RASA2: variants seen among roughly 807,000 people sequenced by gnomAD.
RASA2 encodes RAS p21 protein activator 2.
In RASA2, 155 loss-of-function variants were observed where a neutral mutation model predicts 118.2. The observed-to-expected ratio is 1.31, with a 90% CI of 1.15 to 1.50. The LOEUF (loss-of-function observed/expected upper bound fraction) is 1.50. RASA2 is among the 40% of genes most tolerant of loss of function. RASA2 has a pLI of 0.00. For missense variants in RASA2, 1,016 were observed against 1,009.6 expected, an observed-to-expected ratio of 1.01 and a Z score of -0.09; for synonymous variants, 353 against 349.1, an observed-to-expected ratio of 1.01 and a Z score of -0.12.
chr3:141,495,554 G>A, intron 1 of RASA2, among the ~76,000 whole-genome samples: 1 of 152,170 alleles, frequency 6.6e-6, no homozygotes, highest in East Asian at 1.9e-4. Flanking sequence ...TACAAAAAAA[G>A]GAAAGTTTAT....
Position 141,490,583 on chromosome 3 carries a change from G to T in RASA2, c.133+3367G>T, listed in dbSNP as rs1008044187. Among the ~76,000 whole-genome samples the T allele has an allele frequency of 5.3e-5, 8 of 152,134 alleles. No individual in the cohort carries two copies. The East Asian group carries it at 7.7e-4, about 15-fold the overall frequency. ...TAAGAGAGCCAAATGGGAAAATTTT[G>T]TGTGAATTTTCAGATGTGTGGTACA... On this transcript the variant is annotated intron_variant, in intron 1 of 23. Transcript: ENST00000286364.
intron 4 of RASA2, among the ~76,000 whole-genome samples, chr3:141,531,426 G>GTA (rs900512744): frequency 1.2e-4 from 18 of 150,836 alleles, no homozygotes; most frequent in East Asian, 1.9e-4. Context: ...ATATGTGTGT[G>GTA]TATATATATA....
At chr3:141,608,156 T>C (rs1489724081) in intron 20 of RASA2, among the ~76,000 whole-genome samples, 2 of 152,212 alleles carry the variant, frequency 1.3e-5, no homozygotes, top group African/African-American at 4.8e-5. Flanking sequence ...CCAACCAGGA[T>C]GATTTCCTTG....
At chr3:141,551,878 ATCAAAT>A (rs1181654201) in intron 5 of RASA2, among the ~76,000 whole-genome samples, 1 of 152,204 alleles carries the variant, frequency 6.6e-6, no homozygotes, top group Admixed American at 6.5e-5. Context: ...TAAATAAAAT[ATCAAAT>A]TCCTTATTGA....
intron 1 of RASA2, among the ~76,000 whole-genome samples, chr3:141,505,959 A>C (rs1056946421): frequency 6.6e-6 from 1 of 152,204 alleles, no homozygotes; most frequent in African/African-American, 2.4e-5. Context: ...AAAATCATGG[A>C]TGTATAGTGG....
At chr3:141,508,244 A>G (rs2081898567) in intron 1 of RASA2, among the ~76,000 whole-genome samples, 1 of 152,302 alleles carries the variant, frequency 6.6e-6, no homozygotes. Flanking sequence ...AAGAGGGAGT[A>G]TAAGAAAAAC....
intron 1 of RASA2, among the ~76,000 whole-genome samples, chr3:141,498,705 T>A (rs1311865413): frequency 6.6e-6 from 1 of 152,176 alleles, no homozygotes; most frequent in Non-Finnish European, 1.5e-5. Context: ...CCCTGGATGC[T>A]GTCACCAGAA....
intron 3 of RASA2, 43 bp downstream of exon 3, chr3:141,516,474 T>G (rs749615084): frequency 7.7e-7 from 1 of 1,296,044 alleles, no homozygotes; most frequent in East Asian, 3.0e-5. Context: ...ATGTTAATGT[T>G]TATATTCATT....
At chr3:141,503,941 T>G (rs566434051) in intron 1 of RASA2, among the ~76,000 whole-genome samples, 1 of 152,262 alleles carries the variant, frequency 6.6e-6, no homozygotes, top group African/African-American at 2.4e-5. Context: ...ATAAATCAAC[T>G]TAAATGAAAT....
chr3:141,508,467 C>A (rs1199082838), intron 1 of RASA2, among the ~76,000 whole-genome samples: 1 of 151,906 alleles, frequency 6.6e-6, no homozygotes, highest in Non-Finnish European at 1.5e-5. Flanking sequence ...AACTCCCATC[C>A]CCTGGGCTCA....
chr3:141,575,656 C>G (rs2082998940), intron 14 of RASA2, among the ~76,000 whole-genome samples: 1 of 151,658 alleles, frequency 6.6e-6, no homozygotes, highest in Non-Finnish European at 1.5e-5. Context: ...AAACCTGGGC[C>G]TAGTCTACTC....
At chr3:141,559,806 T>A in intron 8 of RASA2, 88 bp from the exon 9 acceptor site, 3 of 1,062,598 alleles carry the variant, frequency 2.8e-6, no homozygotes, top group Middle Eastern at 2.0e-4. Flanking sequence ...AATGCTGTAA[T>A]ACAGATCAAA....
chr3:141,598,711 G>A (rs2083414047), intron 19 of RASA2, among the ~76,000 whole-genome samples: 1 of 152,100 alleles, frequency 6.6e-6, no homozygotes, highest in Non-Finnish European at 1.5e-5. Flanking sequence ...GTTGCAAACT[G>A]TTAGAAAACA....
At chr3:141,526,260 CTG>C (rs2082183229) in intron 3 of RASA2, 1 of 152,176 alleles carries the variant, frequency 6.6e-6, no homozygotes, top group Non-Finnish European at 1.5e-5. Flanking sequence ...GCTCTTTCCA[CTG>C]TGTCGGGCTG....
chr3:141,564,627 C>A (rs2082789428), intron 9 of RASA2, among the ~76,000 whole-genome samples: 2 of 152,188 alleles, frequency 1.3e-5, no homozygotes, highest in Admixed American at 6.5e-5. Flanking sequence ...AACTCCTTGT[C>A]ATGCCTCTGT....
At chr3:141,549,640 A>T (rs1252531786) in intron 5 of RASA2, among the ~76,000 whole-genome samples, 1 of 152,190 alleles carries the variant, frequency 6.6e-6, no homozygotes, top group African/African-American at 2.4e-5. Context: ...AATACAGCTA[A>T]TGTGACCAAA....
intron 9 of RASA2, among the ~76,000 whole-genome samples, chr3:141,563,948 AAAC>A (rs1210491487): frequency 6.6e-6 from 1 of 152,066 alleles, no homozygotes; most frequent in Non-Finnish European, 1.5e-5. Context: ...GGGATGGGTA[AAAC>A]AACAACATGT....
At chr3:141,487,916 G>A (rs2081598168) in intron 1 of RASA2, among the ~76,000 whole-genome samples, 1 of 152,196 alleles carries the variant, frequency 6.6e-6, no homozygotes, top group Admixed American at 6.5e-5. Flanking sequence ...GGCGTGACAG[G>A]CGGGACTAAA....
intron 19 of RASA2, among the ~76,000 whole-genome samples, chr3:141,588,713 A>G (rs1467441287): frequency 6.6e-6 from 1 of 152,270 alleles, no homozygotes; most frequent in Non-Finnish European, 1.5e-5. Flanking sequence ...CCAGTATATT[A>G]GAAAGATATA....
Sources: gnomAD v4.1 joint callset for allele counts (sites outside exome capture counted in the v4.1 genomes callset) on GRCh38, gnomAD v4.1.1 for gene constraint, MANE v1.5 for transcripts, NCBI Gene and HGNC (gene_info 2026-07-23, HGNC 2026-07-21) for gene names.